HTR4: variants seen among roughly 807,000 people sequenced by gnomAD.
The protein encoded by HTR4 is 5-hydroxytryptamine receptor 4.
Under a neutral mutation model 36.8 loss-of-function variants are expected in HTR4, and 16 were observed. The ratio of observed to expected loss-of-function variants is 0.43; its 90% CI spans 0.29 to 0.66. The LOEUF (loss-of-function observed/expected upper bound fraction) is 0.66. Among genes scored for constraint, HTR4 ranks in the 30% least tolerant of loss-of-function variants. HTR4 has a pLI of 0.13. For missense variants in HTR4, 438 were observed against 490.9 expected (o/e 0.89, Z 1.02); for synonymous variants, 189 against 185.1 (o/e 1.02, Z -0.17).
intron 2 of HTR4, among the ~76,000 whole-genome samples, chr5:148,594,836 A>G (rs1384952771): frequency 3.9e-5 from 6 of 152,176 alleles, no homozygotes; most frequent in Non-Finnish European, 1.5e-5. Context: ...TATTTTTTAC[A>G]ATAAGTTCAA....
intron 2 of HTR4, among the ~76,000 whole-genome samples, chr5:148,625,695 C>T (rs941550520): frequency 1.3e-5 from 2 of 152,024 alleles, no homozygotes; most frequent in Admixed American, 6.6e-5. Context: ...ATTCGCCTGC[C>T]CCAGCCTCCT....
intron 5 of HTR4, among the ~76,000 whole-genome samples, chr5:148,521,400 A>T (rs1462884643): frequency 6.6e-6 from 1 of 152,012 alleles, no homozygotes; most frequent in Admixed American, 6.6e-5. Flanking sequence ...CATGCAATCC[A>T]TTGAAGGCTT....
chr5:148,558,792 A>G (rs763758475), intron 2 of HTR4, among the ~76,000 whole-genome samples: 4 of 152,062 alleles, frequency 2.6e-5, no homozygotes, highest in African/African-American at 9.7e-5. Flanking sequence ...CTCTCTCCCT[A>G]TTGCCATAGC....
chr5:148,590,392 G>A (rs1432340630), intron 2 of HTR4, among the ~76,000 whole-genome samples: 2 of 134,822 alleles, frequency 1.5e-5, no homozygotes, highest in East Asian at 2.2e-4. Flanking sequence ...TCCACCTCCC[G>A]GTTTCAAGGA....
chr5:148,519,992 A>G (rs1398525329), intron 5 of HTR4, among the ~76,000 whole-genome samples: 4 of 152,216 alleles, frequency 2.6e-5, no homozygotes, highest in African/African-American at 9.6e-5. Flanking sequence ...GAGTCAACAT[A>G]TAAATTAAAT....
intron 5 of HTR4, among the ~76,000 whole-genome samples, chr5:148,518,426 A>G (rs1757861966): frequency 6.6e-6 from 1 of 152,192 alleles, no homozygotes; most frequent in Admixed American, 6.6e-5. Flanking sequence ...GTAAAATCTG[A>G]CAATTTCTCA....
At chr5:148,644,603 G>A (rs1753826716) in intron 1 of HTR4, 1 of 152,016 alleles carries the variant, frequency 6.6e-6, no homozygotes, top group African/African-American at 2.4e-5. Flanking sequence ...AATAAGATGT[G>A]TGTTATTAAG....
intron 2 of HTR4, among the ~76,000 whole-genome samples, chr5:148,568,583 T>C (rs928537326): frequency 6.6e-6 from 1 of 152,104 alleles, no homozygotes; most frequent in African/African-American, 2.4e-5. Context: ...CACACATTTA[T>C]AAGTAGCCAG....
intron 4 of HTR4, among the ~76,000 whole-genome samples, chr5:148,537,424 C>A (rs1316528121): frequency 1.3e-5 from 2 of 151,958 alleles, no homozygotes; most frequent in Non-Finnish European, 2.9e-5. Context: ...CACAAAAAAA[C>A]ATTCAAAAGA....
At position 148,636,901 on chromosome 5, in the gene HTR4, TTA is replaced by T. The variant is rs1753560626; in HGVS notation, c.26+86_26+87del. Reference sequence around the variant, plus strand: ...CAAAGAAAATCCACATCCATTAACTTTATAACTCTACAACAACAGATTTTTAG... The same window carrying T: ...CAAAGAAAATCCACATCCATTAACTTTAACTCTACAACAACAGATTTTTAG... On this transcript the variant is annotated intron_variant, in intron 2 of 6. Transcript: ENST00000377888. 1.8e-5 allele frequency: 15 copies of T among 830,412 alleles called. No homozygotes were observed. In the Admixed American group the frequency reaches 1.9e-4, roughly 11 times the overall value. 51.4% of individuals were successfully genotyped at this position (830,412 alleles called of 1,614,324 possible). A position where few individuals can be genotyped will look rare whatever the true frequency, so the allele number is the denominator to read the frequency against.
chr5:148,465,477 C>A (rs1755402397), intron 5 of HTR4, among the ~76,000 whole-genome samples: 2 of 152,088 alleles, frequency 1.3e-5, no homozygotes, highest in African/African-American at 4.8e-5. Context: ...AAGGAGTCCA[C>A]CACTTACAGC....
intron 2 of HTR4, among the ~76,000 whole-genome samples, chr5:148,576,523 CA>C (rs1364549761): frequency 2.0e-5 from 3 of 151,894 alleles, no homozygotes; most frequent in South Asian, 4.2e-4. Flanking sequence ...CAATCCTAAG[CA>C]AAAAACAACG....
At chr5:148,552,905 G>T (rs1313818625) in intron 2 of HTR4, among the ~76,000 whole-genome samples, 43 of 152,122 alleles carry the variant, frequency 2.8e-4, no homozygotes, top group Non-Finnish European at 2.9e-5. Flanking sequence ...GAGATATATT[G>T]TGCTCATAAT....
chr5:148,490,905 TCC>T (rs1561575235), intron 6 of HTR4: 6 of 449,470 alleles, frequency 1.3e-5, no homozygotes, highest in Non-Finnish European at 2.2e-5. Flanking sequence ...AAGCTCAGCA[TCC>T]CCAGTTCCTT....
At chr5:148,555,176 T>C (rs2113857373) in intron 2 of HTR4, among the ~76,000 whole-genome samples, 1 of 152,294 alleles carries the variant, frequency 6.6e-6, no homozygotes, top group South Asian at 2.1e-4. Flanking sequence ...CTTTTTTGTC[T>C]ATGGACTGTG....
chr5:148,570,623 G>A (rs181703978), intron 2 of HTR4, among the ~76,000 whole-genome samples: 1 of 152,072 alleles, frequency 6.6e-6, no homozygotes, highest in Non-Finnish European at 1.5e-5. Flanking sequence ...CAGAGAATGA[G>A]GGGATGCCTC....
intron 2 of HTR4, among the ~76,000 whole-genome samples, chr5:148,624,333 G>C (rs1439760665): frequency 6.6e-6 from 1 of 152,150 alleles, no homozygotes; most frequent in African/African-American, 2.4e-5. Flanking sequence ...ATTTGGGCAA[G>C]CTAATTAACT....
chr5:148,498,243 C>T (rs1756772435), intron 6 of HTR4, among the ~76,000 whole-genome samples: 1 of 152,114 alleles, frequency 6.6e-6, no homozygotes, highest in Non-Finnish European at 1.5e-5. Context: ...GTTTCTAATT[C>T]AACTTGGAAA....
chr5:148,504,993 C>A (rs1473113123), intron 6 of HTR4, among the ~76,000 whole-genome samples: 1 of 152,128 alleles, frequency 6.6e-6, no homozygotes, highest in East Asian at 1.9e-4. Flanking sequence ...GAAATTGAGG[C>A]AGTAATTAAT....
Sources: allele counts gnomAD v4.1 joint callset (sites outside exome capture counted in the v4.1 genomes callset), GRCh38; gene constraint gnomAD v4.1.1; transcripts MANE v1.5; gene names NCBI Gene and HGNC (gene_info 2026-07-23, HGNC 2026-07-21).